Variants in DCC observed in about 807,000 individuals in gnomAD.
DCC encodes the protein netrin receptor DCC.
Under a neutral mutation model 172.5 loss-of-function variants are expected in DCC, and 58 were observed. The observed-to-expected ratio is 0.34, with a 90% confidence interval of 0.27 to 0.42. The LOEUF is 0.42. Among genes scored for constraint, DCC ranks in the 10% least tolerant of loss-of-function variants. The pLI, the probability that DCC is intolerant of heterozygous loss-of-function variation, is 1.00. For synonymous variants in DCC, 709 were observed against 644.5 expected, an observed-to-expected ratio of 1.10 and a Z score of -1.52; for missense variants, 1,740 against 1,791.0, an observed-to-expected ratio of 0.97 and a Z score of 0.51.
intron 21 of DCC, among the ~76,000 whole-genome samples, chr18:53,432,072 T>C (rs1765855122): frequency 6.6e-6 from 1 of 152,286 alleles, no homozygotes; most frequent in Middle Eastern, 3.4e-3. Flanking sequence ...TAAAGTTATG[T>C]GACTGAAAAT....
At chr18:53,517,690 C>G (rs567606204) in intron 27 of DCC, among the ~76,000 whole-genome samples, 8 of 151,966 alleles carry the variant, frequency 5.3e-5, no homozygotes, top group African/African-American at 1.9e-4. Context: ...CTCATCAGCA[C>G]GTCCCCAGTG....
chr18:52,929,176 G>A (rs1251713430), intron 5 of DCC, among the ~76,000 whole-genome samples: 1 of 152,010 alleles, frequency 6.6e-6, no homozygotes, highest in East Asian at 1.9e-4. Flanking sequence ...CCCAACCTTA[G>A]GTGCTACTTT....
At chr18:52,396,006 G>A (rs72916994) in intron 1 of DCC, among the ~76,000 whole-genome samples, 21,447 of 151,854 alleles carry the variant, frequency 0.14, 1,605 homozygotes, top group Middle Eastern at 0.16. Flanking sequence ...CACCCTCCCT[G>A]CTGAGTTCTA....
chr18:53,429,217 A>G (rs1016211300), intron 21 of DCC, among the ~76,000 whole-genome samples: 5 of 55,468 alleles, frequency 9.0e-5, no homozygotes, highest in African/African-American at 2.0e-4. Context: ...TGGTGCTTGC[A>G]AAAAATAATG....
chr18:53,360,459 T>C (rs991767878), intron 15 of DCC, among the ~76,000 whole-genome samples: 2 of 152,146 alleles, frequency 1.3e-5, no homozygotes, highest in Non-Finnish European at 2.9e-5. Flanking sequence ...TACTTAGAAA[T>C]ATTATATGTT....
chr18:52,720,214 T>C (rs966805276), intron 1 of DCC, among the ~76,000 whole-genome samples: 2 of 152,268 alleles, frequency 1.3e-5, no homozygotes, highest in Non-Finnish European at 1.5e-5. Context: ...TAGAGATCTG[T>C]AGAGCTCCAT....
At chr18:52,792,844 C>T (rs867300488) in intron 2 of DCC, among the ~76,000 whole-genome samples, 4 of 147,438 alleles carry the variant, frequency 2.7e-5, no homozygotes, top group East Asian at 2.0e-4. Flanking sequence ...TATTCCATTC[C>T]ATTCCATTCC....
intron 1 of DCC, among the ~76,000 whole-genome samples, chr18:52,552,894 G>A (rs929686083): frequency 6.6e-6 from 1 of 151,934 alleles, no homozygotes; most frequent in South Asian, 2.1e-4. Context: ...AAGAAAAATA[G>A]CACATACACC....
At chr18:52,376,941 C>T (rs1985373920) in intron 1 of DCC, among the ~76,000 whole-genome samples, 1 of 152,168 alleles carries the variant, frequency 6.6e-6, no homozygotes, top group Non-Finnish European at 1.5e-5. Context: ...GCCTGGAGTG[C>T]TCAGGTGGTC....
intron 1 of DCC, among the ~76,000 whole-genome samples, chr18:52,680,550 C>A (rs1183840286): frequency 6.6e-6 from 1 of 152,086 alleles, no homozygotes; most frequent in African/African-American, 2.4e-5. Context: ...TTATTTAATA[C>A]CTTAATTGAG....
intron 5 of DCC, among the ~76,000 whole-genome samples, chr18:52,956,917 A>C (rs917029457): frequency 6.6e-6 from 1 of 152,152 alleles, no homozygotes; most frequent in Non-Finnish European, 1.5e-5. Context: ...AGGCAGGTAC[A>C]CTTTTTCCAG....
At chr18:53,106,813 G>A (rs1188112431) in intron 7 of DCC, among the ~76,000 whole-genome samples, 1 of 151,890 alleles carries the variant, frequency 6.6e-6, no homozygotes, top group Non-Finnish European at 1.5e-5. Context: ...CACAATACTT[G>A]TTTCAATATA....
At chr18:53,227,731 C>G (rs2056056742) in intron 12 of DCC, among the ~76,000 whole-genome samples, 1 of 152,138 alleles carries the variant, frequency 6.6e-6, no homozygotes, top group Non-Finnish European at 1.5e-5. Flanking sequence ...CTACAAATAA[C>G]TTTGTTCCAG....
At chr18:53,015,565 T>C (rs1200283030) in intron 5 of DCC, among the ~76,000 whole-genome samples, 1 of 152,176 alleles carries the variant, frequency 6.6e-6, no homozygotes, top group African/African-American at 2.4e-5. Context: ...GAAATATTTA[T>C]GTTCTACCAT....
chr18:52,786,948 C>T lies in DCC; in HGVS notation c.412+34574C>T, dbSNP rs187419454. On this transcript the variant is annotated intron_variant, in intron 2 of 28. Coordinates refer to ENST00000442544, the MANE Select transcript of DCC (RefSeq NM_005215.4). ...GCAAAAGAAAAATGGATTATTATTG[C>T]GATGATGCAAACAACTATATTGCCA... Among the ~76,000 whole-genome samples, 639 of 152,150 alleles carry T rather than the reference C, an allele frequency of 4.2e-3. 2 individuals are homozygous for T. The highest frequency in any genetic ancestry group is 8.5e-3 in the Admixed American group (130 of 15,254).
At chr18:52,650,391 G>A (rs1311861721) in intron 1 of DCC, among the ~76,000 whole-genome samples, 1 of 152,042 alleles carries the variant, frequency 6.6e-6, no homozygotes, top group Non-Finnish European at 1.5e-5. Context: ...TTACTTAATG[G>A]GTACAATGTA....
chr18:53,382,069 AACACACACACACACACACACACAC>A (rs61553123), intron 15 of DCC, among the ~76,000 whole-genome samples: 1 of 122,856 alleles, frequency 8.1e-6, no homozygotes, highest in African/African-American at 2.7e-5. Context: ...GATTAAAAAC[AACACACACACACACACACACACAC>A]ACACACACAC....
Position 53,063,387 on chromosome 18 carries a change from A to G in DCC, c.1068A>G (p.Gly356=), listed in dbSNP as rs747508074. The G allele has an allele frequency of 6.2e-7, 1 of 1,612,938 alleles. No individual in the cohort carries two copies. Among genetic ancestry groups the G allele is most frequent in the Admixed American group, 1.7e-5 (1 of 59,944 alleles). The change falls in exon 6 of 29, where the codon GGA becomes GGG. Residue 356 remains glycine, a synonymous_variant. Transcript: ENST00000442544. The part of the protein sequence containing the change: ...MDIEFECTVS[G]KPVPTVNWMK... ...TTGAGTTTGAATGTACAGTCTCTGG[A>G]AAGCCTGTGCCCACTGTGAATTGGA...
chr18:52,415,253 G>A (rs1401977710), intron 1 of DCC, among the ~76,000 whole-genome samples: 1 of 152,128 alleles, frequency 6.6e-6, no homozygotes, highest in African/African-American at 2.4e-5. Flanking sequence ...AGGTAACCTT[G>A]CTGTTACCAA....
Sources: gnomAD v4.1 joint callset for allele counts (sites outside exome capture counted in the v4.1 genomes callset) on GRCh38, gnomAD v4.1.1 for gene constraint, MANE v1.5 for transcripts, NCBI Gene and HGNC (gene_info 2026-07-23, HGNC 2026-07-21) for gene names.